WDR88: variants seen among roughly 807,000 people sequenced by gnomAD.
WDR88 encodes WD repeat domain 88.
Under a neutral mutation model 46.8 loss-of-function variants are expected in WDR88, and 40 were observed. The observed-to-expected ratio is 0.86, with a 90% CI of 0.66 to 1.11. WDR88 has a LOEUF of 1.11. WDR88 is among the 50% of genes most tolerant of loss of function. WDR88 has a pLI of 0.00. For synonymous variants in WDR88, 235 were observed against 240.7 expected (o/e 0.98, Z 0.22); for missense variants, 562 against 602.4 (o/e 0.93, Z 0.70).
Position 33,144,923 on chromosome 19 carries a change from A to G in WDR88, c.467A>G (p.Asp156Gly), listed in dbSNP as rs758640744. ...APVVECSITG[D>G]SSRVIAASYD... The stretch of plus-strand genomic sequence containing the variant: ...GTTGTAGAGTGCAGCATCACCGGCG[A>G]CAGCAGCAGGTGACCTTTCCCTCGT... Residue 156 changes from aspartate to glycine, a missense_variant, in exon 3 of 11, where the codon GAC (aspartate) becomes GGC (glycine). Coordinates refer to ENST00000355868, the MANE Select transcript of WDR88 (RefSeq NM_173479.4). The G allele has an allele frequency of 5.0e-6, 8 of 1,613,190 alleles. No homozygotes were observed. Among genetic ancestry groups the G allele is most frequent in the African/African-American group, 1.3e-5 (1 of 74,908 alleles).
At chr19:33,167,973 C>A (rs975298740) in intron 9 of WDR88, among the ~76,000 whole-genome samples, 1 of 151,878 alleles carries the variant, frequency 6.6e-6, no homozygotes, top group Non-Finnish European at 1.5e-5. Flanking sequence ...CCACCTTGGC[C>A]TCTCAAAGTG....
chr19:33,158,561 A>G (rs1973805935), intron 7 of WDR88, among the ~76,000 whole-genome samples: 1 of 152,238 alleles, frequency 6.6e-6, no homozygotes, highest in Non-Finnish European at 1.5e-5. Context: ...TGGCACTTTC[A>G]AGGTCACTCA....
rs1049730689 is a variant in WDR88, at chr19:33,174,117, G to A, written c.1243-1279G>A. 10 of 1,519,486 alleles carry A rather than the reference G, an allele frequency of 6.6e-6. No homozygotes were observed. The African/African-American group carries it at 9.6e-5, about 15-fold the overall frequency. 94.1% of individuals were successfully genotyped at this position (1,519,486 alleles called of 1,614,324 possible). A position where few individuals can be genotyped will look rare whatever the true frequency, so the allele number is the denominator to read the frequency against. ...TCCGCCCGCCTCAGCCTCCCAAAGT[G>A]CTGGGACTACAGGCGCAAGCTATCC... On this transcript the variant is annotated intron_variant, in intron 10 of 10. Coordinates refer to ENST00000355868, the MANE Select transcript of WDR88 (RefSeq NM_173479.4).
At chr19:33,162,200 T>G (rs113631651) in intron 8 of WDR88, among the ~76,000 whole-genome samples, 3,160 of 150,562 alleles carry the variant, frequency 0.021, 111 homozygotes, top group African/African-American at 0.075. Flanking sequence ...GAGCTGTTTT[T>G]TTTGTTTGTT....
intron 3 of WDR88, among the ~76,000 whole-genome samples, chr19:33,146,563 C>T (rs149993509): frequency 9.5e-4 from 145 of 151,972 alleles, no homozygotes; most frequent in Middle Eastern, 3.4e-3. Flanking sequence ...CTCCTGCCCA[C>T]GCTGGAGCGC....
chr19:33,174,358 C>T, intron 10 of WDR88: 1 of 1,445,366 alleles, frequency 6.9e-7, no homozygotes, highest in Non-Finnish European at 9.1e-7. Flanking sequence ...ACAGCAAAGC[C>T]CAGGGGCTGG....
Position 33,175,628 on chromosome 19 carries a change from G to C in WDR88, c.*56G>C, listed in dbSNP as rs754213158. The C allele has an allele frequency of 4.4e-6, 7 of 1,602,158 alleles. 1 individual carries two copies. The highest frequency in any genetic ancestry group is 2.2e-5 in the South Asian group (2 of 89,864). On this transcript the variant is annotated 3_prime_UTR_variant, in exon 11 of 11. Transcript: ENST00000355868. ...ACAGGCTACCTAGCATGTAGGTTTCGGGGCTTTGCAGGGGCTTTCTCTTGG... is the reference window on the plus strand; with the variant it reads ...ACAGGCTACCTAGCATGTAGGTTTCCGGGCTTTGCAGGGGCTTTCTCTTGG...
intron 9 of WDR88, among the ~76,000 whole-genome samples, chr19:33,171,771 T>TTTTG (rs58358368): frequency 0.11 from 16,505 of 151,596 alleles, 1,795 homozygotes; most frequent in African/African-American, 0.29. Flanking sequence ...TGTCATATAG[T>TTTTG]TTTGTTTGTT....
At chr19:33,152,096 G>A (rs1973646257) in intron 6 of WDR88, among the ~76,000 whole-genome samples, 1 of 151,896 alleles carries the variant, frequency 6.6e-6, no homozygotes, top group Non-Finnish European at 1.5e-5. Flanking sequence ...GCTGGGCGTG[G>A]TGGCGGGCAC....
chr19:33,150,948 C>T (rs775531787), intron 5 of WDR88, among the ~76,000 whole-genome samples: 10 of 152,226 alleles, frequency 6.6e-5, no homozygotes, highest in African/African-American at 1.9e-4. Context: ...TTGCCTGGTC[C>T]GGGGTGTCTC....
At chr19:33,136,728 A>C (rs1405984681) in intron 1 of WDR88, among the ~76,000 whole-genome samples, 3 of 146,866 alleles carry the variant, frequency 2.0e-5, no homozygotes, top group Non-Finnish European at 4.5e-5. Context: ...ATGGCTGGCT[A>C]ATTTATTTAT....
chr19:33,161,651 T>C (rs1222248530), intron 8 of WDR88, among the ~76,000 whole-genome samples: 1 of 152,084 alleles, frequency 6.6e-6, no homozygotes, highest in African/African-American at 2.4e-5. Context: ...AAATGGAATG[T>C]TAAACCTCTC....
intron 9 of WDR88, among the ~76,000 whole-genome samples, chr19:33,165,133 G>A (rs1300923472): frequency 6.6e-6 from 1 of 152,126 alleles, no homozygotes; most frequent in Admixed American, 6.6e-5. Context: ...AGGTGGTAAA[G>A]CTAGTGACAG....
At chr19:33,164,993 G>A (rs945256180) in intron 9 of WDR88, among the ~76,000 whole-genome samples, 2 of 151,636 alleles carry the variant, frequency 1.3e-5, no homozygotes, top group African/African-American at 2.4e-5. Context: ...GGGAGACAGT[G>A]ACAGATCATC....
At chr19:33,135,546 T>G (rs1278217390) in intron 1 of WDR88, among the ~76,000 whole-genome samples, 2 of 151,732 alleles carry the variant, frequency 1.3e-5, no homozygotes, top group African/African-American at 4.8e-5. Flanking sequence ...AGTCTCCCAG[T>G]AGCTGGGCTT....
At position 33,132,299 on chromosome 19, in the gene WDR88, C is replaced by A. The variant is rs773116014; in HGVS notation, c.130C>A (p.Arg44Ser). ...SWGTMARALGRFKLSIPHTHL... is the reference protein window; with the variant it reads ...SWGTMARALGSFKLSIPHTHL... ...GGGGACCATGGCGAGGGCCTTAGGC[C>A]GCTTCAAGCTGTCGATCCCGCACAC... The change falls in exon 1 of 11, where the codon CGC (arginine) becomes AGC (serine). Residue 44 changes from arginine (R) to serine (S), a missense_variant. Physicochemically the swap from Arg to Ser is moderately radical, Grantham distance 110. Transcript: ENST00000355868. The A allele has an allele frequency of 1.2e-6, 2 of 1,613,776 alleles. No homozygotes were observed. Among genetic ancestry groups the A allele is most frequent in the Admixed American group, 3.3e-5 (2 of 60,010 alleles).
chr19:33,141,210 T>C (rs2145369180), intron 2 of WDR88, among the ~76,000 whole-genome samples: 1 of 147,076 alleles, frequency 6.8e-6, no homozygotes, highest in Non-Finnish European at 1.5e-5. Context: ...GTGCTGGGAT[T>C]ACAGGTGTGG....
chr19:33,139,529 C>T (rs897427708), intron 2 of WDR88, among the ~76,000 whole-genome samples: 2 of 152,142 alleles, frequency 1.3e-5, no homozygotes, highest in African/African-American at 4.8e-5. Context: ...GATAGCCCCT[C>T]ACCCTACAGA....
At chr19:33,172,906 A>G (rs929681633) in intron 10 of WDR88, among the ~76,000 whole-genome samples, 2 of 151,966 alleles carry the variant, frequency 1.3e-5, no homozygotes, top group African/African-American at 4.8e-5. Flanking sequence ...CCTGGCCAAC[A>G]TGGTTAAGTC....
Sources: allele counts gnomAD v4.1 joint callset (sites outside exome capture counted in the v4.1 genomes callset), GRCh38; gene constraint gnomAD v4.1.1; transcripts MANE v1.5; gene names NCBI Gene and HGNC (gene_info 2026-07-23, HGNC 2026-07-21).